CCAR1: variants seen among roughly 807,000 people sequenced by gnomAD.
The protein encoded by CCAR1 is cell division cycle and apoptosis regulator protein 1.
In CCAR1, 78 loss-of-function variants were observed where a neutral mutation model predicts 163.8. The observed-to-expected ratio is 0.48, with a 90% CI of 0.40 to 0.57. The LOEUF is 0.57. CCAR1 is among the 20% of genes least tolerant of loss of function. CCAR1 has a pLI of 0.00. For missense variants in CCAR1, 1,019 were observed against 1,365.2 expected, an observed-to-expected ratio of 0.75 and a Z score of 4.00; for synonymous variants, 443 against 460.7, an observed-to-expected ratio of 0.96 and a Z score of 0.49.
Position 68,792,048 on chromosome 10 carries a change from G to A in CCAR1, c.*782G>A, listed in dbSNP as rs2056856521. 1 of 151,288 alleles carries A rather than the reference G, an allele frequency of 6.6e-6. No homozygotes were observed. The highest frequency in any genetic ancestry group is 2.4e-5 in the African/African-American group (1 of 41,096). 9.4% of individuals were successfully genotyped at this position (151,288 alleles called of 1,614,324 possible). ...ATCATGCAGCTACACTCCAGCCTGGGCGACAAGAGTGAAACTCCATCTCAA... is the reference window on the plus strand; with the variant it reads ...ATCATGCAGCTACACTCCAGCCTGGACGACAAGAGTGAAACTCCATCTCAA... On this transcript the variant is annotated 3_prime_UTR_variant, in exon 25 of 25. Coordinates refer to ENST00000265872, the MANE Select transcript of CCAR1 (RefSeq NM_018237.4).
intron 16 of CCAR1, among the ~76,000 whole-genome samples, chr10:68,763,875 C>T (rs2056505025): frequency 6.6e-6 from 1 of 152,164 alleles, no homozygotes; most frequent in Admixed American, 6.5e-5. Flanking sequence ...CATTTTAAAG[C>T]ATTTCAGTTT....
intron 2 of CCAR1, among the ~76,000 whole-genome samples, chr10:68,729,946 T>G (rs2056012330): frequency 2.0e-5 from 3 of 151,590 alleles, no homozygotes; most frequent in African/African-American, 7.3e-5. Context: ...TGAGATGGAG[T>G]TTCGCTCTTG....
chr10:68,763,792 G>C (rs1028783358), intron 16 of CCAR1, among the ~76,000 whole-genome samples: 4 of 152,202 alleles, frequency 2.6e-5, no homozygotes, highest in Non-Finnish European at 5.9e-5. Context: ...GAGTTGGACG[G>C]TGGGAGTTCT....
rs1427915190 is a variant in CCAR1, at chr10:68,792,019, C to T, written c.*753C>T. The T allele has an allele frequency of 1.3e-5, 2 of 150,816 alleles. No individual in the cohort carries two copies. Among genetic ancestry groups the T allele is most frequent in the Admixed American group, 6.6e-5 (1 of 15,072 alleles). 9.3% of individuals were successfully genotyped at this position (150,816 alleles called of 1,614,324 possible). On this transcript the variant is annotated 3_prime_UTR_variant, in exon 25 of 25. Coordinates refer to ENST00000265872, the MANE Select transcript of CCAR1 (RefSeq NM_018237.4). ...CCAGGAGGCGGAGGTTGCAGTCACTCAGGATCATGCAGCTACACTCCAGCC... is the reference window on the plus strand; with the variant it reads ...CCAGGAGGCGGAGGTTGCAGTCACTTAGGATCATGCAGCTACACTCCAGCC...
intron 19 of CCAR1, among the ~76,000 whole-genome samples, chr10:68,774,247 T>TG (rs543514009): frequency 5.8e-4 from 89 of 152,296 alleles, no homozygotes; most frequent in African/African-American, 2.1e-3. Flanking sequence ...AGGCTGGTCT[T>TG]GAACTACTGA....
intron 19 of CCAR1, among the ~76,000 whole-genome samples, chr10:68,773,767 T>C (rs1398173427): frequency 2.0e-5 from 3 of 152,010 alleles, no homozygotes; most frequent in South Asian, 4.1e-4. Context: ...GCTGGAGTAC[T>C]GTGGCATGCT....
chr10:68,748,461 T>G (rs1037083991), intron 8 of CCAR1, among the ~76,000 whole-genome samples: 2 of 149,572 alleles, frequency 1.3e-5, no homozygotes, highest in Non-Finnish European at 3.0e-5. Flanking sequence ...TAATTAGCAT[T>G]AAAAAATGTA....
chr10:68,747,721 AT>A (rs201099936), intron 8 of CCAR1, among the ~76,000 whole-genome samples, 155 bp downstream of exon 8: 4 of 151,614 alleles, frequency 2.6e-5, no homozygotes, highest in Non-Finnish European at 4.4e-5. Context: ...ATGTGGAAGT[AT>A]TTTTTTTTCT....
chr10:68,747,120 T>G, intron 6 of CCAR1, 41 bp from the exon 7 acceptor site: 2 of 1,010,332 alleles, frequency 2.0e-6, no homozygotes, highest in Non-Finnish European at 2.9e-6. Context: ...CTATTTTAAT[T>G]GTATTTATAT....
chr10:68,749,427 G>A, intron 9 of CCAR1, 97 bp from the exon 10 acceptor site: 1 of 1,248,152 alleles, frequency 8.0e-7, no homozygotes, highest in South Asian at 1.6e-5. Flanking sequence ...CAAATATACT[G>A]TGGATTCTTG....
intron 10 of CCAR1, among the ~76,000 whole-genome samples, chr10:68,753,145 T>G (rs757482641): frequency 1.8e-5 from 2 of 108,744 alleles, no homozygotes; most frequent in Non-Finnish European, 4.0e-5. Flanking sequence ...CTCTTAGCCT[T>G]TTGCCAGATT....
In CCAR1 at chr10:68,756,532, G is replaced by T; in HGVS notation, c.1836+49G>T. ...CTATTTCCGCTTCTCACAGGCACAG[G>T]AACACAGGCACAAATGCACACCACA... On this transcript the variant is annotated intron_variant, in intron 14 of 24. Transcript: ENST00000265872. This position sits in a 1 kb window ranked among gnomAD's most constrained non-coding sequence, Gnocchi z 5.1. 7.0e-7 allele frequency: 1 copy of T among 1,438,288 alleles called. No individual in the cohort carries two copies. 89.1% of individuals were successfully genotyped at this position (1,438,288 alleles called of 1,614,324 possible).
At chr10:68,763,629 G>T (rs757468581) in intron 16 of CCAR1, among the ~76,000 whole-genome samples, 5 of 152,054 alleles carry the variant, frequency 3.3e-5, no homozygotes, top group African/African-American at 4.8e-5. Context: ...TGTATTTTTA[G>T]TAGAGATGGG....
intron 18 of CCAR1, among the ~76,000 whole-genome samples, chr10:68,772,514 A>G (rs1367697844): frequency 6.6e-6 from 1 of 152,004 alleles, no homozygotes; most frequent in African/African-American, 2.4e-5. Flanking sequence ...GTAATTTGCA[A>G]TGTAAAACTT....
chr10:68,750,973 G>C (rs867707440), intron 10 of CCAR1, among the ~76,000 whole-genome samples: 19 of 151,650 alleles, frequency 1.3e-4, no homozygotes, highest in South Asian at 8.3e-4. Flanking sequence ...ATGTTACATA[G>C]TTGGCGTTCA....
At chr10:68,721,828 G>A (rs1301133032) in intron 1 of CCAR1, among the ~76,000 whole-genome samples, 1 of 152,192 alleles carries the variant, frequency 6.6e-6, no homozygotes, top group Non-Finnish European at 1.5e-5. Context: ...GGGTGCACGG[G>A]CGGAGAATCT....
chr10:68,745,334 C>A (rs1172610161), intron 6 of CCAR1, among the ~76,000 whole-genome samples: 1 of 151,762 alleles, frequency 6.6e-6, no homozygotes, highest in Non-Finnish European at 1.5e-5. Context: ...GAGATGGGGT[C>A]TCTTTTGCCC....
chr10:68,764,644 T>C (rs1236051452), intron 16 of CCAR1, among the ~76,000 whole-genome samples: 1 of 152,144 alleles, frequency 6.6e-6, no homozygotes, highest in Admixed American at 6.6e-5. Flanking sequence ...TTAGCAGGCC[T>C]GATTCTCCTT....
chr10:68,743,717 ATTAT>A (rs2056215077), intron 6 of CCAR1, among the ~76,000 whole-genome samples: 1 of 143,558 alleles, frequency 7.0e-6, no homozygotes, highest in Non-Finnish European at 1.5e-5. Context: ...TAATTTTTGT[ATTAT>A]TTATTTGTTT....
Sources: gnomAD v4.1 joint callset for allele counts (sites outside exome capture counted in the v4.1 genomes callset) on GRCh38, gnomAD v4.1.1 for gene constraint, Gnocchi (gnomAD v3.1) non-coding constraint, MANE v1.5 for transcripts, NCBI Gene and HGNC (gene_info 2026-07-23, HGNC 2026-07-21) for gene names.